HK1: variants seen among roughly 807,000 people sequenced by gnomAD.
HK1 encodes hexokinase 1.
HK1 carries 28 observed loss-of-function variants against 91.6 expected under a neutral mutation model. That is an observed-to-expected ratio of 0.31 (90% CI 0.23 to 0.42). The LOEUF (loss-of-function observed/expected upper bound fraction) is 0.42, where lower values mean the gene tolerates loss of function less well. Ranked by LOEUF, HK1 falls within the 10% of genes least tolerant of loss-of-function variation. HK1 has a pLI of 1.00. For missense variants in HK1, 770 were observed against 1,219.8 expected (o/e 0.63, Z 5.49); for synonymous variants, 430 against 468.1 (o/e 0.92, Z 1.05).
chr10:69,359,776 T>C (rs1849320205), intron 2 of HK1, 121 bp from the exon 3 acceptor site: 1 of 935,082 alleles, frequency 1.1e-6, no homozygotes, highest in African/African-American at 1.6e-5. Context: ...GCTTTCTGGC[T>C]GATAACAGCA....
intron 1 of HK1, chr10:69,278,584 C>G (rs5030949): frequency 6.6e-6 from 1 of 151,998 alleles, no homozygotes; most frequent in African/African-American, 2.4e-5. Flanking sequence ...AAGCTTGGAT[C>G]CGAACTGTTG....
chr10:69,274,605 A>C (rs1369418181), intron 1 of HK1, among the ~76,000 whole-genome samples: 1 of 147,808 alleles, frequency 6.8e-6, no homozygotes, highest in East Asian at 2.1e-4. Context: ...AAAAAAAAAC[A>C]GTTTCAAATA....
At position 69,372,327 on chromosome 10, in the gene HK1, A is replaced by G. The variant is rs563148615; in HGVS notation, c.875+2703A>G. ...TCTCATTGAGAACAATTCCAAGGAA[A>G]TGACAAATTCCCAAGTTGCATCACA... On this transcript the variant is annotated intron_variant, in intron 7 of 17. Transcript: ENST00000359426. Among the ~76,000 whole-genome samples the G allele has an allele frequency of 6.6e-5, 10 of 152,362 alleles. No individual in the cohort carries two copies. The South Asian group carries it at 2.1e-3, about 32-fold the overall frequency.
intron 3 of HK1, among the ~76,000 whole-genome samples, chr10:69,361,824 T>C (rs1189275044): frequency 6.6e-6 from 1 of 152,192 alleles, no homozygotes; most frequent in Non-Finnish European, 1.5e-5. Context: ...CTTTTTTTTC[T>C]TCTTTTTTTT....
At chr10:69,344,682 G>A (rs1848459226) in intron 2 of HK1, among the ~76,000 whole-genome samples, 2 of 152,252 alleles carry the variant, frequency 1.3e-5, no homozygotes, top group African/African-American at 4.8e-5. Context: ...CCAGAGGAGT[G>A]GTATCAGCCC....
upstream of HK1, among the ~76,000 whole-genome samples, chr10:69,315,584 GA>G: frequency 2.6e-5 from 4 of 152,300 alleles, no homozygotes; most frequent in Middle Eastern, 0.014. Context: ...AGGGATCTAA[GA>G]GCTATGCAAG....
At chr10:69,348,414 T>C (rs1479154982) in intron 2 of HK1, among the ~76,000 whole-genome samples, 1 of 152,238 alleles carries the variant, frequency 6.6e-6, no homozygotes, top group Non-Finnish European at 1.5e-5. Context: ...TTATCTCAAG[T>C]ATTCTCTCTA....
At chr10:69,318,767 G>T, upstream of HK1, 1 of 1,237,332 alleles carries the variant, frequency 8.1e-7, no homozygotes, top group Non-Finnish European at 1.1e-6. Context: ...CACCCTCCAG[G>T]GGACGGGAGC....
intron 8 of HK1, among the ~76,000 whole-genome samples, chr10:69,379,351 A>G (rs1274774805): frequency 1.3e-5 from 2 of 152,202 alleles, no homozygotes; most frequent in Non-Finnish European, 2.9e-5. Context: ...GTATGCCTGT[A>G]TGTATACATA....
chr10:69,318,914 C>G lies in HK1; in HGVS notation c.-34C>G, dbSNP rs777854701. On this transcript the variant is annotated 5_prime_UTR_variant, in exon 1 of 18. Coordinates refer to ENST00000359426, the MANE Select transcript of HK1 (RefSeq NM_000188.3). ...CAGGGCTGCGGAGGACCGACCGTCC[C>G]CACGCCTGCCGCCCCGCGACCCCGA... 3 of 1,564,386 alleles carry G rather than the reference C, an allele frequency of 1.9e-6. No homozygotes were observed. The highest frequency in any genetic ancestry group is 2.6e-6 in the Non-Finnish European group (3 of 1,156,826).
chr10:69,302,379 ATT>A (rs61340732), intron 5 of HK1, among the ~76,000 whole-genome samples: 123 of 139,514 alleles, frequency 8.8e-4, no homozygotes, highest in South Asian at 9.4e-4. Context: ...TGGTATAATG[ATT>A]TTTTTTTTTT....
chr10:69,333,316 C>T lies in HK1; in HGVS notation c.64-10511C>T, dbSNP rs143827044. ...TGTCTGCACTCAGATCCTTTTCTCCCTGTTGTCGGGAGGTGCTGGGACAGT... is the reference window on the plus strand; with the variant it reads ...TGTCTGCACTCAGATCCTTTTCTCCTTGTTGTCGGGAGGTGCTGGGACAGT... On this transcript the variant is annotated intron_variant, in intron 1 of 17. Transcript: ENST00000359426. Among the ~76,000 whole-genome samples, 343 of 152,316 alleles carry T rather than the reference C, an allele frequency of 2.3e-3. 3 individuals are homozygous for T. The highest frequency in any genetic ancestry group is 7.9e-3 in the African/African-American group (330 of 41,572).
intron 13 of HK1, among the ~76,000 whole-genome samples, chr10:69,387,445 T>C (rs2132912808): frequency 6.6e-6 from 1 of 152,232 alleles, no homozygotes; most frequent in African/African-American, 2.4e-5. Flanking sequence ...GGCATCTACA[T>C]CTGGCTAATT....
chr10:69,283,137 A>C (rs1844839248), intron 2 of HK1, among the ~76,000 whole-genome samples: 1 of 145,722 alleles, frequency 6.9e-6, no homozygotes, highest in African/African-American at 2.5e-5. Context: ...AAAAAAAAAA[A>C]AAAAAAAAAT....
chr10:69,296,393 T>A (rs1845564436), intron 4 of HK1: 1 of 152,660 alleles, frequency 6.6e-6, no homozygotes, highest in Admixed American at 6.5e-5. Flanking sequence ...GGATTCAACC[T>A]GGAGCCCCAG....
At chr10:69,378,946 T>C (rs1036600002) in intron 8 of HK1, among the ~76,000 whole-genome samples, 9 of 152,296 alleles carry the variant, frequency 5.9e-5, no homozygotes, top group African/African-American at 1.9e-4. Context: ...CCATCTTGTC[T>C]TCCTAGACCC....
At chr10:69,323,231 C>T (rs371997930) in intron 1 of HK1, among the ~76,000 whole-genome samples, 9 of 145,148 alleles carry the variant, frequency 6.2e-5, no homozygotes, top group African/African-American at 1.0e-4. Flanking sequence ...GGCAACAGAG[C>T]GAAACTCTGT....
intron 14 of HK1, among the ~76,000 whole-genome samples, chr10:69,391,121 T>C (rs965639884): frequency 1.7e-4 from 26 of 152,206 alleles, no homozygotes; most frequent in African/African-American, 5.5e-4. Flanking sequence ...ATATGTCAGG[T>C]TGCATGTGTG....
chr10:69,303,200 AG>A (rs1564495559), intron 5 of HK1, among the ~76,000 whole-genome samples: 1 of 148,118 alleles, frequency 6.8e-6, no homozygotes, highest in Non-Finnish European at 1.5e-5. Context: ...TGGTGGGGGG[AG>A]GGGGGAGGCT....
Sources: allele counts gnomAD v4.1 joint callset (sites outside exome capture counted in the v4.1 genomes callset), GRCh38; gene constraint gnomAD v4.1.1; transcripts MANE v1.5; gene names NCBI Gene and HGNC (gene_info 2026-07-23, HGNC 2026-07-21).